The following PTPRD variants were observed in gnomAD, a reference collection of about 807,000 sequenced individuals.
PTPRD encodes the protein protein tyrosine phosphatase receptor type D, also known as receptor-type tyrosine-protein phosphatase delta.
PTPRD carries 34 observed loss-of-function variants against 214.5 expected under a neutral mutation model. The ratio of observed to expected loss-of-function variants is 0.16; its 90% CI spans 0.12 to 0.21. The LOEUF (loss-of-function observed/expected upper bound fraction) is 0.21, where lower values mean the gene tolerates loss of function less well. Among genes scored for constraint, PTPRD ranks in the 10% least tolerant of loss-of-function variants. PTPRD has a pLI of 1.00. For missense variants in PTPRD, 2,545 were observed against 2,398.7 expected (o/e 1.06, Z -1.27); for synonymous variants, 1,128 against 845.7 (o/e 1.33, Z -5.79).
At chr9:10,567,698 AC>A (rs1408461076) in intron 2 of PTPRD, among the ~76,000 whole-genome samples, 1 of 151,864 alleles carries the variant, frequency 6.6e-6, no homozygotes, top group Non-Finnish European at 1.5e-5. Context: ...TTTTAAAAAA[AC>A]CTTTGGTTTT....
rs184663152 is a variant in PTPRD, at chr9:9,963,838, T to C, written c.-471-25228A>G. Among the ~76,000 whole-genome samples the C allele has an allele frequency of 5.0e-4, 76 of 152,288 alleles. No individual in the cohort carries two copies. The Middle Eastern group carries it at 0.02, about 41-fold the overall frequency. ...TGATAATTAGAAAGCTGTCAAAGGA[T>C]TCATCAACATTGGAAACTAAACACT... On this transcript the variant is annotated intron_variant, in intron 4 of 45. Coordinates refer to ENST00000381196, the MANE Select transcript of PTPRD (RefSeq NM_002839.4).
chr9:10,204,595 G>C (rs1467080716), intron 3 of PTPRD, among the ~76,000 whole-genome samples: 3 of 152,042 alleles, frequency 2.0e-5, no homozygotes, highest in Non-Finnish European at 4.4e-5. Flanking sequence ...TATAAATTTA[G>C]ACTCAATTTT....
At chr9:9,135,151 C>A (rs183955220) in intron 10 of PTPRD, among the ~76,000 whole-genome samples, 1 of 152,240 alleles carries the variant, frequency 6.6e-6, no homozygotes, top group East Asian at 1.9e-4. Flanking sequence ...AGTTTAAAGA[C>A]GTATCATATT....
At chr9:8,784,783 T>G (rs988966193) in intron 11 of PTPRD, among the ~76,000 whole-genome samples, 7 of 152,156 alleles carry the variant, frequency 4.6e-5, no homozygotes, top group African/African-American at 1.7e-4. Context: ...ATACCAAAAA[T>G]GTCTGCTACT....
intron 8 of PTPRD, among the ~76,000 whole-genome samples, chr9:9,409,253 A>G (rs1277583245): frequency 1.3e-5 from 2 of 151,992 alleles, no homozygotes; most frequent in Admixed American, 6.6e-5. Flanking sequence ...CTCCTCTTGC[A>G]TATATAATCT....
chr9:8,528,733 C>T lies in PTPRD; in HGVS notation c.399G>A (p.Gln133=), dbSNP rs1235594709. ...RGFPTIDMGP[Q]LKVVERTRTA... ...TGCGAGTACGCTCAACCACCTTCAA[C>T]TGTGGGCCCATGTCAATGGTAGGGA... The change falls in exon 15 of 46, where the codon CAG becomes CAA. Residue 133 remains glutamine (Q), a synonymous_variant. Transcript: ENST00000381196. 2.5e-6 allele frequency: 4 copies of T among 1,613,458 alleles called. No homozygotes were observed. Among genetic ancestry groups the T allele is most frequent in the East Asian group, 2.2e-5 (1 of 44,848 alleles).
intron 3 of PTPRD, among the ~76,000 whole-genome samples, chr9:10,329,393 TAA>T (rs2096707992): frequency 6.6e-6 from 1 of 151,844 alleles, no homozygotes; most frequent in South Asian, 2.1e-4. Context: ...TTAAGAGTAG[TAA>T]TACTATTTTA....
At chr9:9,235,581 A>T (rs995812175) in intron 9 of PTPRD, among the ~76,000 whole-genome samples, 4 of 152,012 alleles carry the variant, frequency 2.6e-5, no homozygotes, top group Non-Finnish European at 5.9e-5. Context: ...GTATCACCCC[A>T]TTTTTGCCCC....
At chr9:8,672,117 C>G (rs1008079160) in intron 12 of PTPRD, among the ~76,000 whole-genome samples, 10 of 152,148 alleles carry the variant, frequency 6.6e-5, no homozygotes, top group African/African-American at 2.4e-4. Context: ...TGGTTGTTTA[C>G]TGTTCATGTT....
intron 9 of PTPRD, among the ~76,000 whole-genome samples, chr9:9,183,715 T>C (rs572234037): frequency 6.6e-6 from 1 of 152,030 alleles, no homozygotes; most frequent in Admixed American, 6.6e-5. Flanking sequence ...GTTTGTTGCA[T>C]CCTACAATTA....
At chr9:8,516,937 G>A (rs1390179810) in intron 21 of PTPRD, among the ~76,000 whole-genome samples, 4 of 149,778 alleles carry the variant, frequency 2.7e-5, no homozygotes, top group Non-Finnish European at 5.9e-5. Context: ...TCAGCCTCCT[G>A]AGTAGCAGGA....
chr9:9,546,916 G>C (rs1022275418), intron 8 of PTPRD, among the ~76,000 whole-genome samples: 1 of 151,344 alleles, frequency 6.6e-6, no homozygotes, highest in African/African-American at 2.4e-5. Context: ...CATGGGTAGT[G>C]AGTTAAAGAC....
intron 8 of PTPRD, among the ~76,000 whole-genome samples, chr9:9,573,170 A>G (rs555399490): frequency 6.6e-6 from 1 of 151,820 alleles, no homozygotes; most frequent in African/African-American, 2.4e-5. Flanking sequence ...CAGCAATGAA[A>G]ATGAGCAATT....
chr9:9,697,882 C>T (rs1176567395), intron 7 of PTPRD, among the ~76,000 whole-genome samples: 2 of 152,070 alleles, frequency 1.3e-5, no homozygotes, highest in Non-Finnish European at 2.9e-5. Flanking sequence ...TGCAAATAGC[C>T]TGTCTTTGAG....
intron 4 of PTPRD, among the ~76,000 whole-genome samples, chr9:9,968,046 A>G (rs577701796): frequency 6.6e-6 from 1 of 152,230 alleles, no homozygotes; most frequent in Non-Finnish European, 1.5e-5. Context: ...CACGCATATC[A>G]TAATGACTAA....
At chr9:10,511,396 C>T (rs2047954473) in intron 2 of PTPRD, among the ~76,000 whole-genome samples, 1 of 151,650 alleles carries the variant, frequency 6.6e-6, no homozygotes, top group Admixed American at 6.6e-5. Flanking sequence ...TTGCTGTTGC[C>T]ATTTCTCTTT....
intron 11 of PTPRD, among the ~76,000 whole-genome samples, chr9:8,856,957 G>A (rs537921430): frequency 6.6e-6 from 1 of 152,304 alleles, no homozygotes; most frequent in South Asian, 2.1e-4. Flanking sequence ...TCTTTGGTTT[G>A]TTCGTGGCTT....
intron 12 of PTPRD, among the ~76,000 whole-genome samples, chr9:8,687,952 T>G (rs977692720): frequency 1.3e-5 from 2 of 152,160 alleles, no homozygotes; most frequent in African/African-American, 4.8e-5. Context: ...AATAAACAAT[T>G]GAGTTATATC....
At position 9,088,581 on chromosome 9, in the gene PTPRD, G is replaced by GAA. The variant is rs533619970; in HGVS notation, c.-142-69848_-142-69847dup. Among the ~76,000 whole-genome samples, 42 of 33,026 alleles carry GAA rather than the reference G, an allele frequency of 1.3e-3. 3 individuals are homozygous for GAA. The highest frequency in any genetic ancestry group is 3.8e-3 in the South Asian group (2 of 532). The allele number at this position is 33,026 out of a possible 152,430, so 21.7% of individuals were successfully genotyped here. Reference sequence around the variant, plus strand: ...GGCGACAGAGTGAGACTTAGTCTCAGAAAAAAAAAAAAAAAAAAAAAAAAA... The same window carrying GAA: ...GGCGACAGAGTGAGACTTAGTCTCAGAAAAAAAAAAAAAAAAAAAAAAAAAAA... On this transcript the variant is annotated intron_variant, in intron 10 of 45. Transcript: ENST00000381196.
Sources: allele counts gnomAD v4.1 joint callset (sites outside exome capture counted in the v4.1 genomes callset), GRCh38; gene constraint gnomAD v4.1.1; transcripts MANE v1.5; gene names NCBI Gene and HGNC (gene_info 2026-07-23, HGNC 2026-07-21).